Variants in SLC44A1 observed in about 807,000 individuals in gnomAD.
SLC44A1 encodes choline transporter-like protein 1.
Under a neutral mutation model 79.3 loss-of-function variants are expected in SLC44A1, and 26 were observed. The ratio of observed to expected loss-of-function variants is 0.33; its 90% CI spans 0.24 to 0.46. SLC44A1 has a LOEUF of 0.46. Ranked by LOEUF, SLC44A1 falls within the 20% of genes least tolerant of loss-of-function variation. The pLI, the probability that SLC44A1 is intolerant of heterozygous loss-of-function variation, is 1.00. For missense variants in SLC44A1, 688 were observed against 798.1 expected, an observed-to-expected ratio of 0.86 and a Z score of 1.66; for synonymous variants, 263 against 286.2, an observed-to-expected ratio of 0.92 and a Z score of 0.82.
intron 3 of SLC44A1, among the ~76,000 whole-genome samples, chr9:105,316,408 T>C (rs1247820394): frequency 1.3e-5 from 2 of 152,178 alleles, no homozygotes; most frequent in Non-Finnish European, 2.9e-5. Context: ...CAAACCAGTA[T>C]GTACAGCATG....
At chr9:105,332,046 A>G (rs764511337) in intron 3 of SLC44A1, among the ~76,000 whole-genome samples, 1 of 151,814 alleles carries the variant, frequency 6.6e-6, no homozygotes, top group Non-Finnish European at 1.5e-5. Context: ...TTTTAACTTC[A>G]TGTGTGTGCA....
At chr9:105,266,564 G>A (rs1829966951) in intron 1 of SLC44A1, among the ~76,000 whole-genome samples, 1 of 152,126 alleles carries the variant, frequency 6.6e-6, no homozygotes, top group Non-Finnish European at 1.5e-5. Flanking sequence ...TATTGACAAA[G>A]ACTATGTTTT....
chr9:105,330,241 G>A (rs1826708548), intron 3 of SLC44A1, among the ~76,000 whole-genome samples: 1 of 152,184 alleles, frequency 6.6e-6, no homozygotes, highest in Non-Finnish European at 1.5e-5. Flanking sequence ...CCAGAAGATT[G>A]CACTGATTTA....
intron 15 of SLC44A1, among the ~76,000 whole-genome samples, chr9:105,413,731 C>CACCT (rs1829128440): frequency 6.6e-6 from 1 of 152,178 alleles, no homozygotes. Flanking sequence ...GGGGAAAGGC[C>CACCT]ACCTAGTGGA....
chr9:105,335,091 T>C (rs932653727), intron 3 of SLC44A1, among the ~76,000 whole-genome samples: 2 of 152,136 alleles, frequency 1.3e-5, no homozygotes, highest in African/African-American at 4.8e-5. Context: ...ATCTATAATA[T>C]ATATTCATTT....
chr9:105,373,962 AC>A (rs1333258070), intron 12 of SLC44A1, among the ~76,000 whole-genome samples: 2 of 152,120 alleles, frequency 1.3e-5, no homozygotes, highest in East Asian at 3.8e-4. Flanking sequence ...GTCAATCAAG[AC>A]CCATCCCCAG....
At chr9:105,275,105 AT>A (rs1391917555) in intron 1 of SLC44A1, among the ~76,000 whole-genome samples, 2 of 152,150 alleles carry the variant, frequency 1.3e-5, no homozygotes, top group South Asian at 4.1e-4. Context: ...AAAATAATAA[AT>A]TTTTTTCTTC....
chr9:105,245,520 A>C (rs1294321289), intron 1 of SLC44A1, among the ~76,000 whole-genome samples: 1 of 151,904 alleles, frequency 6.6e-6, no homozygotes, highest in Non-Finnish European at 1.5e-5. Flanking sequence ...CTTGCACCCC[A>C]TCCCCCCTTA....
At position 105,362,908 on chromosome 9, in the gene SLC44A1, C is replaced by T. The variant is rs1482141787; in HGVS notation, c.988C>T (p.His330Tyr). 6.2e-7 allele frequency: 1 copy of T among 1,613,428 alleles called. No homozygotes were observed. Among genetic ancestry groups the T allele is most frequent in the South Asian group, 1.1e-5 (1 of 91,008 alleles). Residue 330 changes from histidine (H) to tyrosine (Y), a missense_variant, in exon 9 of 16, where the codon CAC becomes TAC. Coordinates refer to ENST00000374720, the MANE Select transcript of SLC44A1 (RefSeq NM_080546.5). ...CCACGTAGCTGGCAAGGTCTTCATT[C>T]ACTTGCCACTGCTAGTCTTCCAACC... The part of the protein sequence containing the change: ...LFHVAGKVFI[H>Y]LPLLVFQPFW...
chr9:105,320,699 G>A (rs980459238), intron 3 of SLC44A1, among the ~76,000 whole-genome samples: 1 of 152,010 alleles, frequency 6.6e-6, no homozygotes, highest in African/African-American at 2.4e-5. Flanking sequence ...TGACCCTGAG[G>A]CTCCCATATA....
intron 3 of SLC44A1, among the ~76,000 whole-genome samples, chr9:105,332,197 G>A (rs1018277036): frequency 6.9e-6 from 1 of 145,426 alleles, no homozygotes; most frequent in Admixed American, 7.2e-5. Context: ...TCGGCTCACT[G>A]CAATCTCCGC....
At position 105,396,113 on chromosome 9, in the gene SLC44A1, T is replaced by G; in HGVS notation, c.*7057T>G. 2 of 985,382 alleles carry G rather than the reference T, an allele frequency of 2.0e-6. No homozygotes were observed. The highest frequency in any genetic ancestry group is 2.4e-6 in the Non-Finnish European group (2 of 829,936). 61.0% of individuals were successfully genotyped at this position (985,382 alleles called of 1,614,324 possible). A position where few individuals can be genotyped will look rare whatever the true frequency, so the allele number is the denominator to read the frequency against. ...GATGATCACATGGGGACAGTTAACT[T>G]TTCTTCTGCTGTGTTGCCTTAATGC... On this transcript the variant is annotated 3_prime_UTR_variant, in exon 16 of 16. Transcript: ENST00000374720.
chr9:105,388,977 A>G (rs1828696776), intron 15 of SLC44A1, 56 bp from the exon 16 acceptor site: 1 of 1,305,258 alleles, frequency 7.7e-7, no homozygotes, highest in African/African-American at 1.4e-5. Context: ...ATCATTCATG[A>G]TCTCCTTTTA....
intron 1 of SLC44A1, among the ~76,000 whole-genome samples, chr9:105,248,470 A>C (rs1230794760): frequency 4.6e-5 from 7 of 152,240 alleles, no homozygotes; most frequent in Non-Finnish European, 8.8e-5. Context: ...GGAGCAGATT[A>C]TTGGCAAAAT....
intron 2 of SLC44A1, among the ~76,000 whole-genome samples, chr9:105,305,485 G>A (rs868486635): frequency 1.8e-4 from 27 of 152,160 alleles, no homozygotes; most frequent in South Asian, 1.5e-3. Context: ...CAAAAGAGGC[G>A]AAACAGAAGG....
intron 15 of SLC44A1, among the ~76,000 whole-genome samples, chr9:105,422,219 AG>A (rs1305705020): frequency 6.6e-6 from 1 of 150,924 alleles, no homozygotes; most frequent in Non-Finnish European, 1.5e-5. Flanking sequence ...CTGCACAGAA[AG>A]GGGCCCTCAT....
intron 13 of SLC44A1, among the ~76,000 whole-genome samples, chr9:105,379,614 G>A (rs377057942): frequency 9.9e-5 from 15 of 152,224 alleles, no homozygotes; most frequent in African/African-American, 3.1e-4. Flanking sequence ...ATCATTATGG[G>A]TTCCATTTCT....
At chr9:105,296,221 C>CT (rs1444777375) in intron 1 of SLC44A1, among the ~76,000 whole-genome samples, 1 of 152,126 alleles carries the variant, frequency 6.6e-6, no homozygotes, top group Non-Finnish European at 1.5e-5. Context: ...CTAAGTGTTC[C>CT]TTTGTCCAAG....
At chr9:105,244,994 T>C in intron 1 of SLC44A1, 90 bp downstream of exon 1, 1 of 396,704 alleles carries the variant, frequency 2.5e-6, no homozygotes, top group Non-Finnish European at 3.5e-6. Context: ...TACCTCTCGC[T>C]GTCCCCAGCC....
Sources: gnomAD v4.1 joint callset for allele counts (sites outside exome capture counted in the v4.1 genomes callset) on GRCh38, gnomAD v4.1.1 for gene constraint, MANE v1.5 for transcripts, NCBI Gene and HGNC (gene_info 2026-07-23, HGNC 2026-07-21) for gene names.